Variants in PKIA observed in about 807,000 individuals in gnomAD.
PKIA encodes cAMP-dependent protein kinase inhibitor alpha, also known as PKI-alpha.
PKIA carries 4 observed loss-of-function variants against 7.6 expected under a neutral mutation model. That is an observed-to-expected ratio of 0.52 (90% CI 0.26 to 1.20). The LOEUF is 1.20. PKIA is among the 50% of genes most tolerant of loss of function. The pLI, the probability that PKIA is intolerant of heterozygous loss-of-function variation, is 0.13. For synonymous variants in PKIA, 21 were observed against 30.7 expected, an observed-to-expected ratio of 0.68 and a Z score of 1.04; for missense variants, 73 against 86.2, an observed-to-expected ratio of 0.85 and a Z score of 0.61.
intron 1 of PKIA, among the ~76,000 whole-genome samples, chr8:78,544,825 G>A (rs928773293): frequency 1.1e-4 from 17 of 151,876 alleles, no homozygotes; most frequent in African/African-American, 1.7e-4. Flanking sequence ...TTATAACCCC[G>A]TCTTCAAATA....
intron 1 of PKIA, among the ~76,000 whole-genome samples, chr8:78,529,671 T>C (rs991094730): frequency 6.6e-6 from 1 of 152,070 alleles, no homozygotes; most frequent in South Asian, 2.1e-4. Flanking sequence ...CTAAACTTTA[T>C]TCATTTACAT....
chr8:78,600,169 A>C (rs2130290569), intron 3 of PKIA, among the ~76,000 whole-genome samples: 1 of 152,138 alleles, frequency 6.6e-6, no homozygotes, highest in South Asian at 2.1e-4. Context: ...AACAGTATAC[A>C]AAGCAATAAC....
At chr8:78,553,219 A>G (rs1807032570) in intron 1 of PKIA, among the ~76,000 whole-genome samples, 1 of 151,950 alleles carries the variant, frequency 6.6e-6, no homozygotes, top group Non-Finnish European at 1.5e-5. Flanking sequence ...TAATGGAAAC[A>G]AATCTGGTGC....
intron 2 of PKIA, among the ~76,000 whole-genome samples, chr8:78,578,856 C>G (rs1807739539): frequency 6.6e-6 from 1 of 151,968 alleles, no homozygotes; most frequent in African/African-American, 2.4e-5. Context: ...ACTATGACTC[C>G]CATATTCATA....
At position 78,604,786 on chromosome 8, in the gene PKIA, C is replaced by T. The variant is rs1808436051; in HGVS notation, c.*2965C>T. 6.6e-6 allele frequency: 1 copy of T among 151,746 alleles called. No individual in the cohort carries two copies. Among genetic ancestry groups the T allele is most frequent in the East Asian group, 1.9e-4 (1 of 5,158 alleles). The allele number at this position is 151,746 out of a possible 1,614,324, so 9.4% of individuals were successfully genotyped here. A position where few individuals can be genotyped will look rare whatever the true frequency, so the allele number is the denominator to read the frequency against. ...ACAAGCATGAAATTGTTAAATTTAC[C>T]TTTTATCAATTGTAATCATCCTATG... On this transcript the variant is annotated 3_prime_UTR_variant, in exon 4 of 4. Coordinates refer to ENST00000396418, the MANE Select transcript of PKIA (RefSeq NM_006823.4).
At chr8:78,587,644 G>A (rs373898720) in intron 2 of PKIA, among the ~76,000 whole-genome samples, 18 of 152,062 alleles carry the variant, frequency 1.2e-4, no homozygotes, top group African/African-American at 3.9e-4. Context: ...TGCTACTTTC[G>A]TCATATATAT....
At position 78,603,767 on chromosome 8, in the gene PKIA, T is replaced by A. The variant is rs990354415; in HGVS notation, c.*1946T>A. ...TAGGTTTCTTGTGAATTTAAACTTC[T>A]CTTCTTTCTTAAGGTTGTGAAATTC... On this transcript the variant is annotated 3_prime_UTR_variant, in exon 4 of 4. Transcript: ENST00000396418. The A allele has an allele frequency of 1.3e-5, 2 of 152,004 alleles. No individual in the cohort carries two copies. The highest frequency in any genetic ancestry group is 2.9e-5 in the Non-Finnish European group (2 of 67,946). The allele number at this position is 152,004 out of a possible 1,614,324, so 9.4% of individuals were successfully genotyped here.
intron 1 of PKIA, among the ~76,000 whole-genome samples, chr8:78,520,590 A>G (rs536880393): frequency 1.3e-5 from 2 of 152,286 alleles, no homozygotes; most frequent in African/African-American, 4.8e-5. Flanking sequence ...TTGAAGTGTA[A>G]CAGAGTGAGG....
chr8:78,552,704 G>A (rs907506019), intron 1 of PKIA, among the ~76,000 whole-genome samples: 2 of 151,974 alleles, frequency 1.3e-5, no homozygotes. Context: ...TGTGTCATGG[G>A]AAGAATGAGT....
At chr8:78,524,040 A>G (rs1451171198) in intron 1 of PKIA, among the ~76,000 whole-genome samples, 1 of 134,632 alleles carries the variant, frequency 7.4e-6, no homozygotes, top group South Asian at 2.2e-4. Flanking sequence ...AAACGTTTAT[A>G]TATATAAATA....
chr8:78,555,984 T>A (rs1228803136), intron 1 of PKIA, among the ~76,000 whole-genome samples: 1 of 152,026 alleles, frequency 6.6e-6, no homozygotes, highest in African/African-American at 2.4e-5. Flanking sequence ...GGTAATACTA[T>A]CAGTTAAGAA....
At chr8:78,549,118 A>C (rs1806912467) in intron 1 of PKIA, among the ~76,000 whole-genome samples, 1 of 152,070 alleles carries the variant, frequency 6.6e-6, no homozygotes, top group Admixed American at 6.6e-5. Flanking sequence ...TGCACTGGGT[A>C]TATGTATATG....
intron 2 of PKIA, among the ~76,000 whole-genome samples, chr8:78,590,474 A>C (rs898652750): frequency 6.6e-6 from 1 of 152,084 alleles, no homozygotes; most frequent in Non-Finnish European, 1.5e-5. Context: ...CAGCTAAAAA[A>C]AATAATATCT....
At chr8:78,538,570 A>G (rs574796875) in intron 1 of PKIA, among the ~76,000 whole-genome samples, 3 of 152,142 alleles carry the variant, frequency 2.0e-5, no homozygotes, top group East Asian at 3.9e-4. Flanking sequence ...TTAAGCTTCT[A>G]ATACTAAGAA....
chr8:78,537,747 A>G (rs562754445), intron 1 of PKIA, among the ~76,000 whole-genome samples: 18 of 152,144 alleles, frequency 1.2e-4, no homozygotes, highest in African/African-American at 3.9e-4. Context: ...AATGTGATGC[A>G]TCCTTACAGT....
At position 78,604,700 on chromosome 8, in the gene PKIA, G is replaced by T. The variant is rs1415973401; in HGVS notation, c.*2879G>T. ...ATGATTCATATTTTTTATGTTTCAT[G>T]CTACTCATTTTGTTTAATTACCAAC... On this transcript the variant is annotated 3_prime_UTR_variant, in exon 4 of 4. Coordinates refer to ENST00000396418, the MANE Select transcript of PKIA (RefSeq NM_006823.4). The T allele has an allele frequency of 6.6e-6, 1 of 151,942 alleles. No individual in the cohort carries two copies. The highest frequency in any genetic ancestry group is 2.4e-5 in the African/African-American group (1 of 41,380). The allele number at this position is 151,942 out of a possible 1,614,324, so 9.4% of individuals were successfully genotyped here. A position where few individuals can be genotyped will look rare whatever the true frequency, so the allele number is the denominator to read the frequency against.
intron 1 of PKIA, chr8:78,534,961 T>C (rs1285852346): frequency 6.6e-6 from 1 of 152,160 alleles, no homozygotes; most frequent in African/African-American, 2.4e-5. Flanking sequence ...GCTAAGGCAT[T>C]TAAAGTTTCC....
At chr8:78,587,736 C>T (rs775878787) in intron 2 of PKIA, among the ~76,000 whole-genome samples, 50 of 152,094 alleles carry the variant, frequency 3.3e-4, no homozygotes, top group Non-Finnish European at 5.7e-4. Context: ...CTTTCTATTG[C>T]TGTTATTTTA....
At chr8:78,564,881 T>G (rs1165442426) in intron 1 of PKIA, among the ~76,000 whole-genome samples, 1 of 151,932 alleles carries the variant, frequency 6.6e-6, no homozygotes, top group Non-Finnish European at 1.5e-5. Flanking sequence ...TTGTGACAAC[T>G]ATGTAAACAT....
Sources: gnomAD v4.1 joint callset for allele counts (sites outside exome capture counted in the v4.1 genomes callset) on GRCh38, gnomAD v4.1.1 for gene constraint, MANE v1.5 for transcripts, NCBI Gene and HGNC (gene_info 2026-07-23, HGNC 2026-07-21) for gene names.